Variants in SLC4A7 observed in about 807,000 individuals in gnomAD.
The protein encoded by SLC4A7 is solute carrier family 4 member 7.
A neutral mutation model predicts 137.6 loss-of-function variants in SLC4A7; 51 were observed. That is an observed-to-expected ratio of 0.37 (90% CI 0.30 to 0.47). The LOEUF is 0.47. Among genes scored for constraint, SLC4A7 ranks in the 20% least tolerant of loss-of-function variants. The pLI is 1.00. For missense variants in SLC4A7, 1,247 were observed against 1,525.4 expected, an observed-to-expected ratio of 0.82 and a Z score of 3.04; for synonymous variants, 542 against 518.6, an observed-to-expected ratio of 1.05 and a Z score of -0.61.
In SLC4A7 at chr3:27,391,751, T is replaced by G; in HGVS notation, c.3175A>C (p.Lys1059Gln). 6.3e-7 allele frequency: 1 copy of G among 1,580,500 alleles called. No homozygotes were observed. Among genetic ancestry groups the G allele is most frequent in the Non-Finnish European group, 8.7e-7 (1 of 1,155,866 alleles). The stretch of plus-strand genomic sequence containing the variant: ...TACTTAAAACTTGCCTGGATTCCTT[T>G]TAATGAGGAAACTCCCATATAAAGG... The part of the protein sequence containing the change: ...VFLYMGVSSL[K>Q]GIQLFDRIKL... Residue 1059 changes from lysine (K) to glutamine (Q), a missense_variant, in exon 21 of 26, where the codon AAA (lysine) becomes CAA (glutamine). Around this residue, in one of 6 missense-constraint regions of SLC4A7, gnomAD observed 290 missense variants for 323.8 expected, o/e 0.90. Transcript: ENST00000454389.
chr3:27,427,917 C>T (rs1344388187), intron 7 of SLC4A7, among the ~76,000 whole-genome samples: 8 of 152,132 alleles, frequency 5.3e-5, no homozygotes, highest in Admixed American at 2.0e-4. Flanking sequence ...CTCCTTAACA[C>T]GGCCTAAGAA....
intron 1 of SLC4A7, among the ~76,000 whole-genome samples, chr3:27,456,264 T>C (rs2058401496): frequency 3.3e-5 from 5 of 152,212 alleles, no homozygotes; most frequent in Admixed American, 6.5e-5. Context: ...CATATGGCTA[T>C]AGCCTAAAGT....
intron 8 of SLC4A7, 102 bp downstream of exon 8, chr3:27,423,935 T>C (rs575495699): frequency 1.3e-5 from 9 of 690,230 alleles, no homozygotes; most frequent in Middle Eastern, 2.6e-4. Context: ...ACCAGTCTAC[T>C]AAAAAATTAC....
At chr3:27,441,145 T>C (rs1244396278) in intron 3 of SLC4A7, among the ~76,000 whole-genome samples, 1 of 152,222 alleles carries the variant, frequency 6.6e-6, no homozygotes, top group Non-Finnish European at 1.5e-5. Flanking sequence ...AGGAGATGAA[T>C]ATCTTGCAGG....
Position 27,379,309 on chromosome 3 carries a change from G to A in SLC4A7, c.3638C>T (p.Ala1213Val), listed in dbSNP as rs1399698027. The change falls in exon 25 of 26, where the codon GCA (alanine) becomes GTA (valine). Residue 1213 changes from alanine (A) to valine (V), a missense_variant. Physicochemically the swap from Ala to Val is moderately conservative, Grantham distance 64. This residue lies in a region of SLC4A7 where 290 missense variants were observed against 323.8 expected (regional missense o/e 0.90). Transcript: ENST00000454389. ...VNISDEMAKTAQWKALSMNTE... is the reference protein window; with the variant it reads ...VNISDEMAKTVQWKALSMNTE... The stretch of plus-strand genomic sequence containing the variant: ...ATTCATGGAAAGTGCCTTCCACTGT[G>A]CAGTTTTGGCCATTTCATCTGATAT... The A allele has an allele frequency of 1.3e-6, 2 of 1,535,734 alleles. No individual in the cohort carries two copies. The highest frequency in any genetic ancestry group is 1.7e-6 in the Non-Finnish European group (2 of 1,146,406).
intron 7 of SLC4A7, among the ~76,000 whole-genome samples, chr3:27,425,579 G>A (rs1208867206): frequency 4.9e-5 from 7 of 142,584 alleles, no homozygotes; most frequent in Non-Finnish European, 7.5e-5. Flanking sequence ...GGGAGGCTGA[G>A]GCAGGAGAAT....
rs754399517 is a variant in SLC4A7 at position 27,420,154 on chromosome 3, ACT to A, written c.1512+544_1512+545del. On this transcript the variant is annotated intron_variant, in intron 10 of 25. Coordinates refer to ENST00000454389, the MANE Select transcript of SLC4A7 (RefSeq NM_001321103.2). ...CACTCCAGCCTGGCAACAGAGTGAG[ACT>A]CTGTCTCAAAAAAAAAAAGAAAAGA... Among the ~76,000 whole-genome samples the A allele has an allele frequency of 8.2e-4, 123 of 150,354 alleles. 1 individual carries two copies. The highest frequency in any genetic ancestry group is 1.4e-3 in the Non-Finnish European group (96 of 67,420).
chr3:27,460,871 G>A (rs1295885058), intron 1 of SLC4A7, among the ~76,000 whole-genome samples: 1 of 151,898 alleles, frequency 6.6e-6, no homozygotes, highest in Non-Finnish European at 1.5e-5. Flanking sequence ...TTCCACTTCT[G>A]GCTCAATAAT....
intron 14 of SLC4A7, among the ~76,000 whole-genome samples, chr3:27,404,170 C>A (rs944018913): frequency 6.6e-6 from 1 of 152,178 alleles, no homozygotes; most frequent in Non-Finnish European, 1.5e-5. Flanking sequence ...CAGTTCGAGA[C>A]CAGCCTGGCC....
intron 17 of SLC4A7, 134 bp downstream of exon 17, chr3:27,398,058 C>A: frequency 1.5e-6 from 1 of 672,018 alleles, no homozygotes; most frequent in East Asian, 2.7e-5. Context: ...TTTTTCACTA[C>A]GAATAATTTC....
chr3:27,390,190 T>G, intron 21 of SLC4A7, 86 bp from the exon 22 acceptor site: 7 of 780,652 alleles, frequency 9.0e-6, no homozygotes, highest in Non-Finnish European at 1.2e-5. Flanking sequence ...TTTAGGATTT[T>G]GTGTATTAAA....
At chr3:27,466,449 CA>C (rs34880724) in intron 1 of SLC4A7, among the ~76,000 whole-genome samples, 48,346 of 132,018 alleles carry the variant, frequency 0.37, 8,491 homozygotes, top group South Asian at 0.48. Flanking sequence ...GACTCCGTCT[CA>C]AAAAAAAAAA....
At chr3:27,453,788 A>G (rs762778538) in intron 1 of SLC4A7, among the ~76,000 whole-genome samples, 12 of 152,246 alleles carry the variant, frequency 7.9e-5, no homozygotes, top group Admixed American at 2.0e-4. Flanking sequence ...AGGACACAGT[A>G]TATTAAGAAA....
intron 16 of SLC4A7, among the ~76,000 whole-genome samples, chr3:27,400,431 T>G (rs967915473): frequency 6.6e-6 from 1 of 152,186 alleles, no homozygotes; most frequent in Non-Finnish European, 1.5e-5. Flanking sequence ...GGACAGTATA[T>G]GTAGCCACAG....
At chr3:27,406,338 C>T (rs1341831333) in intron 13 of SLC4A7, among the ~76,000 whole-genome samples, 1 of 152,202 alleles carries the variant, frequency 6.6e-6, no homozygotes, top group Admixed American at 6.5e-5. Flanking sequence ...TTCTCATCAT[C>T]AGCTAGAACA....
intron 1 of SLC4A7, among the ~76,000 whole-genome samples, chr3:27,476,638 T>G (rs1038359556): frequency 6.6e-6 from 1 of 152,144 alleles, no homozygotes; most frequent in African/African-American, 2.4e-5. Context: ...TTGTTCTCAT[T>G]AGTTCTCATG....
chr3:27,462,858 G>A (rs1308858455), intron 1 of SLC4A7: 2 of 152,234 alleles, frequency 1.3e-5, no homozygotes, highest in African/African-American at 2.4e-5. Flanking sequence ...TTTAAAAAGT[G>A]TTTACTGTTC....
intron 21 of SLC4A7, among the ~76,000 whole-genome samples, chr3:27,390,808 GTTTT>G (rs893251690): frequency 1.3e-4 from 20 of 151,562 alleles, no homozygotes; most frequent in African/African-American, 4.8e-4. Context: ...CTTTATGATC[GTTTT>G]TTTTGTGTGT....
At chr3:27,386,369 A>G (rs2050956277) in intron 22 of SLC4A7, among the ~76,000 whole-genome samples, 2 of 152,258 alleles carry the variant, frequency 1.3e-5, no homozygotes, top group Admixed American at 6.5e-5. Context: ...GTAAGTATAT[A>G]TAATTTTTAA....
Sources: allele counts gnomAD v4.1 joint callset (sites outside exome capture counted in the v4.1 genomes callset), GRCh38; gene constraint gnomAD v4.1.1; regional missense constraint gnomAD v4.1.1; transcripts MANE v1.5; gene names NCBI Gene and HGNC (gene_info 2026-07-23, HGNC 2026-07-21).